ZNF804B: variants seen among roughly 807,000 people sequenced by gnomAD.
The protein encoded by ZNF804B is zinc finger 804B.
Under a neutral mutation model 101.4 loss-of-function variants are expected in ZNF804B, and 80 were observed. That is an observed-to-expected ratio of 0.79 (90% confidence interval 0.66 to 0.95). The LOEUF is 0.95. ZNF804B is among the 40% of genes least tolerant of loss of function. ZNF804B has a pLI of 0.00. For synonymous variants in ZNF804B, 622 were observed against 558.8 expected (o/e 1.11, Z -1.59); for missense variants, 1,673 against 1,561.9 (o/e 1.07, Z -1.20).
At position 89,333,392 on chromosome 7, in the gene ZNF804B, C is replaced by A; in HGVS notation, c.410C>A (p.Ala137Asp). The A allele has an allele frequency of 1.2e-6, 2 of 1,607,700 alleles. No individual in the cohort carries two copies. The highest frequency in any genetic ancestry group is 1.7e-6 in the Non-Finnish European group (2 of 1,177,566). The part of the protein sequence containing the change: ...CVSGNGPAYK[A>D]PRVAIEKQLQ... Reference sequence around the variant, plus strand: ...TCTGGAAATGGACCAGCATACAAAGCCCCCAGGGTAGCCATAGAAAAGCAA... The same window carrying A: ...TCTGGAAATGGACCAGCATACAAAGACCCCAGGGTAGCCATAGAAAAGCAA... The change falls in exon 4 of 4, where the codon GCC becomes GAC. Residue 137 changes from alanine to aspartate, a missense_variant. Physicochemically the swap from Ala to Asp is moderately radical, Grantham distance 126 (BLOSUM62 -2). Transcript: ENST00000333190.
intron 1 of ZNF804B, among the ~76,000 whole-genome samples, chr7:88,897,630 G>C (rs974181641): frequency 1.7e-4 from 26 of 152,166 alleles, no homozygotes; most frequent in African/African-American, 6.3e-4. Flanking sequence ...TCAATTTACA[G>C]ATAAAGAATC....
At chr7:89,101,717 T>C (rs1350308752) in intron 1 of ZNF804B, among the ~76,000 whole-genome samples, 2 of 152,122 alleles carry the variant, frequency 1.3e-5, no homozygotes, top group African/African-American at 4.8e-5. Context: ...TATTCATTTA[T>C]TTGTTTTAGA....
chr7:88,941,222 A>G (rs1199959196), intron 1 of ZNF804B, among the ~76,000 whole-genome samples: 2 of 151,996 alleles, frequency 1.3e-5, no homozygotes, highest in African/African-American at 4.8e-5. Context: ...TATAAAACTA[A>G]GTGTGCTCTT....
chr7:88,855,450 T>G (rs986769550), intron 1 of ZNF804B, among the ~76,000 whole-genome samples: 3 of 151,808 alleles, frequency 2.0e-5, no homozygotes, highest in Admixed American at 1.3e-4. Context: ...TTGATGGGGT[T>G]GTTTGTTTTT....
chr7:88,795,539 CTTG>C (rs907435589), intron 1 of ZNF804B: 1 of 151,954 alleles, frequency 6.6e-6, no homozygotes, highest in African/African-American at 2.4e-5. Context: ...TATTTGTTTT[CTTG>C]TTGTTTTTGT....
intron 1 of ZNF804B, among the ~76,000 whole-genome samples, chr7:88,984,487 A>G (rs1366838244): frequency 6.6e-6 from 1 of 151,726 alleles, no homozygotes; most frequent in East Asian, 1.9e-4. Context: ...TATAATAATT[A>G]TTTAATGTAA....
chr7:89,072,859 T>C (rs970264775), intron 1 of ZNF804B, among the ~76,000 whole-genome samples: 3 of 152,100 alleles, frequency 2.0e-5, no homozygotes, highest in African/African-American at 4.8e-5. Context: ...TATTTTATCT[T>C]CTCTTAAACT....
chr7:89,156,070 T>TTCTTTCTTTCTC (rs1584021232), intron 1 of ZNF804B, among the ~76,000 whole-genome samples: 2 of 91,448 alleles, frequency 2.2e-5, no homozygotes, highest in East Asian at 4.8e-4. Flanking sequence ...CTTTCTTTCT[T>TTCTTTCTTTCTC]TCTCTCTTTC....
rs148140739 is a variant in ZNF804B at position 89,218,180 on chromosome 7, C to A, written c.134C>A (p.Ala45Glu). ...GATTTTGCAGAAAAGAAGTCCACAG[C>A]AAAGGCCCTGGAAGATGTAAAGGCA... ...SPDFAEKKST[A>E]KALEDVKANF... The change falls in exon 2 of 4, where the codon GCA becomes GAA. Residue 45 changes from alanine to glutamate, a missense_variant. By Grantham distance (107) the Ala-to-Glu change is moderately radical. Transcript: ENST00000333190. 6.2e-7 allele frequency: 1 copy of A among 1,613,218 alleles called. No homozygotes were observed. Among genetic ancestry groups the A allele is most frequent in the African/African-American group, 1.3e-5 (1 of 74,930 alleles).
rs945559228 is a variant in ZNF804B, at chr7:89,279,283, C to A, written c.250-48061C>A. Among the ~76,000 whole-genome samples the A allele has an allele frequency of 3.3e-5, 5 of 152,068 alleles. No individual in the cohort carries two copies. In the East Asian group the frequency reaches 5.8e-4, roughly 18 times the overall value. ...CAGTGGGGTTTTCTAGATATACAAT[C>A]ATGTTGTCTGCAAACAGGGACAATT... is the stretch of plus-strand genomic sequence containing the variant. On this transcript the variant is annotated intron_variant, in intron 2 of 3. Transcript: ENST00000333190.
chr7:89,031,207 G>GTA (rs1788829204), intron 1 of ZNF804B, among the ~76,000 whole-genome samples: 2 of 150,136 alleles, frequency 1.3e-5, no homozygotes, highest in South Asian at 4.2e-4. Context: ...ATATGTGTGT[G>GTA]TGTGTATATA....
chr7:89,190,751 A>G (rs1788443322), intron 1 of ZNF804B, among the ~76,000 whole-genome samples: 1 of 152,158 alleles, frequency 6.6e-6, no homozygotes, highest in Admixed American at 6.6e-5. Context: ...AACCTTTGGC[A>G]ATCACCACCC....
intron 1 of ZNF804B, among the ~76,000 whole-genome samples, chr7:89,118,782 A>T (rs1790354995): frequency 6.6e-6 from 1 of 152,152 alleles, no homozygotes; most frequent in South Asian, 2.1e-4. Flanking sequence ...TCGAGTTCTC[A>T]TTAAGAACTG....
chr7:88,815,033 T>C (rs914475645), intron 1 of ZNF804B, among the ~76,000 whole-genome samples: 2 of 149,302 alleles, frequency 1.3e-5, no homozygotes, highest in Non-Finnish European at 3.0e-5. Flanking sequence ...TATATATACA[T>C]ATATGTGTGT....
chr7:89,034,646 A>T (rs1026513181), intron 1 of ZNF804B, among the ~76,000 whole-genome samples: 1 of 152,152 alleles, frequency 6.6e-6, no homozygotes, highest in Non-Finnish European at 1.5e-5. Flanking sequence ...TATCCAGTCT[A>T]TCACTGATGG....
At chr7:89,148,489 C>T (rs1308334663) in intron 1 of ZNF804B, among the ~76,000 whole-genome samples, 2 of 152,058 alleles carry the variant, frequency 1.3e-5, no homozygotes, top group Non-Finnish European at 2.9e-5. Context: ...TTGCATTTTA[C>T]ATTTAACTAT....
chr7:88,823,137 G>A (rs1446364212), intron 1 of ZNF804B, among the ~76,000 whole-genome samples: 1 of 152,182 alleles, frequency 6.6e-6, no homozygotes, highest in African/African-American at 2.4e-5. Context: ...TTAAACCTGG[G>A]AGGCAGAGGT....
chr7:88,838,699 T>C (rs888366216), intron 1 of ZNF804B, among the ~76,000 whole-genome samples: 3 of 151,946 alleles, frequency 2.0e-5, no homozygotes, highest in African/African-American at 7.2e-5. Flanking sequence ...TTTAGGGCCA[T>C]GGTCAAACCC....
chr7:89,192,621 G>T (rs1189398418), intron 1 of ZNF804B, among the ~76,000 whole-genome samples: 1 of 151,850 alleles, frequency 6.6e-6, no homozygotes, highest in South Asian at 2.1e-4. Flanking sequence ...CCAGAAAATT[G>T]GGAAGGAAGG....
Sources: allele counts gnomAD v4.1 joint callset (sites outside exome capture counted in the v4.1 genomes callset), GRCh38; gene constraint gnomAD v4.1.1; transcripts MANE v1.5; gene names NCBI Gene and HGNC (gene_info 2026-07-23, HGNC 2026-07-21).